AKAP4: variants seen among roughly 807,000 people sequenced by gnomAD.
AKAP4 encodes the protein A-kinase anchoring protein 4.
A neutral mutation model predicts 42.6 loss-of-function variants in AKAP4; 4 were observed. The ratio of observed to expected loss-of-function variants is 0.09; its 90% CI spans 0.05 to 0.22. AKAP4 has a LOEUF of 0.22. Among genes scored for constraint, AKAP4 ranks in the 10% least tolerant of loss-of-function variants. The pLI is 1.00. For missense variants in AKAP4, 551 were observed against 630.7 expected (o/e 0.87, Z 1.35); for synonymous variants, 223 against 233.0 (o/e 0.96, Z 0.39).
chrX:50,200,607 G>T (rs1557204759), intron 1 of AKAP4, among the ~76,000 whole-genome samples: 2 of 112,313 alleles, frequency 1.8e-5, no homozygotes, highest in African/African-American at 6.5e-5. Context: ...AGTCCATCAA[G>T]ATATCCCTTC....
intron 5 of AKAP4, among the ~76,000 whole-genome samples, chrX:50,192,079 C>T (rs1038501116): frequency 9.9e-5 from 11 of 110,918 alleles, no homozygotes; most frequent in Non-Finnish European, 2.1e-4. Context: ...GGATGAAATG[C>T]GTTAATCTCA....
intron 4 of AKAP4, among the ~76,000 whole-genome samples, chrX:50,196,587 C>A (rs1421963430): frequency 1.8e-5 from 2 of 111,292 alleles, no homozygotes; most frequent in Non-Finnish European, 3.8e-5. Context: ...CAATGTGGGG[C>A]ACACAAGTCC....
At chrX:50,198,829 C>T in intron 1 of AKAP4, 77 bp from the exon 2 acceptor site, 1 of 777,249 alleles carries the variant, frequency 1.3e-6, no homozygotes, top group Non-Finnish European at 1.9e-6. Context: ...ATAAGAATCT[C>T]TGGAGGGGTT....
At chrX:50,197,475 T>C in intron 3 of AKAP4, 69 bp downstream of exon 3, 1 of 1,000,405 alleles carries the variant, frequency 1.0e-6, no homozygotes, top group South Asian at 2.2e-5. Context: ...TTTTCCATTC[T>C]TCATACTTCA....
chrX:50,197,358 C>T (rs913234636), intron 3 of AKAP4, among the ~76,000 whole-genome samples, 186 bp downstream of exon 3: 2 of 110,960 alleles, frequency 1.8e-5, no homozygotes, highest in East Asian at 5.6e-4. Context: ...TAAAATGAGA[C>T]TTGATATCAA....
Position 50,197,601 on chromosome X carries a change from C to T in AKAP4, c.124-7G>A. 8.3e-7 allele frequency: 1 copy of T among 1,201,233 alleles called. No individual in the cohort carries two copies. Among genetic ancestry groups the T allele is most frequent in the East Asian group, 3.0e-5 (1 of 33,677 alleles). ...ACACATCGACAAAGCATATCTGCAT[C>T]AAATTAGAAGGGTGAATTTAGAAAA... is the stretch of plus-strand genomic sequence containing the variant. On this transcript the variant is annotated splice_region_variant and splice_polypyrimidine_tract_variant and intron_variant, in intron 2 of 5. Transcript: ENST00000358526.
At chrX:50,196,258 G>T in intron 4 of AKAP4, among the ~76,000 whole-genome samples, 1 of 111,388 alleles carries the variant, frequency 9.0e-6, no homozygotes, top group East Asian at 2.8e-4. Context: ...AGAAACATTT[G>T]ATTCCTCTGC....
Position 50,193,346 on chromosome X carries a change from T to C in AKAP4, c.1367A>G (p.His456Arg), listed in dbSNP as rs782149049. 27 of 1,211,793 alleles carry C rather than the reference T, an allele frequency of 2.2e-5. No homozygotes were observed. Among genetic ancestry groups the C allele is most frequent in the East Asian group, 5.9e-5 (2 of 33,857 alleles). Residue 456 changes from histidine to arginine, a missense_variant, in exon 5 of 6, where the codon CAT (histidine) becomes CGT (arginine). Physicochemically the swap from His to Arg is conservative, Grantham distance 29 (BLOSUM62 0). Coordinates refer to ENST00000358526, the MANE Select transcript of AKAP4 (RefSeq NM_003886.3). ...LSYASLKAGS[H>R]DPKCRNQSLE... Reference sequence around the variant, plus strand: ...ACTCTGATTCCTGCATTTGGGATCATGGGACCCAGCTTTTAAAGATGCATA... The same window carrying C: ...ACTCTGATTCCTGCATTTGGGATCACGGGACCCAGCTTTTAAAGATGCATA...
intron 1 of AKAP4, among the ~76,000 whole-genome samples, chrX:50,199,237 T>C: frequency 9.0e-6 from 1 of 111,215 alleles, no homozygotes; most frequent in East Asian, 2.8e-4. Context: ...GAAAGTGAAA[T>C]TAGATAAATA....
chrX:50,199,552 G>A, intron 1 of AKAP4, among the ~76,000 whole-genome samples: 1 of 110,776 alleles, frequency 9.0e-6, no homozygotes, highest in Non-Finnish European at 1.9e-5. Flanking sequence ...AAAGTAAAAA[G>A]GAAATGACAA....
At position 50,196,995 on chromosome X, in the gene AKAP4, A is replaced by G. The variant is rs374649887; in HGVS notation, c.175-3T>C. On this transcript the variant is annotated splice_region_variant and splice_polypyrimidine_tract_variant and intron_variant, in intron 3 of 5. Transcript: ENST00000358526. ...TCTGAGCTGGAACTAGCAGCATCCT[A>G]TGGAATTAAAGGGTGAGATTCTTAA... 2.6e-6 allele frequency: 3 copies of G among 1,175,091 alleles called. No homozygotes were observed. The African/African-American group carries it at 5.3e-5, about 21-fold the overall frequency.
At chrX:50,197,454 T>TC in intron 3 of AKAP4, 90 bp downstream of exon 3, 1 of 823,525 alleles carries the variant, frequency 1.2e-6, no homozygotes, top group Non-Finnish European at 1.7e-6. Context: ...TTCCCCTCTC[T>TC]CCCCCCAACA....
intron 5 of AKAP4, 31 bp downstream of exon 5, chrX:50,192,273 C>T: frequency 2.7e-6 from 3 of 1,132,030 alleles, no homozygotes; most frequent in South Asian, 4.3e-5. Flanking sequence ...CCCATTCCAA[C>T]TTTCTTCTTG....
At position 50,192,317 on chromosome X, in the gene AKAP4, C is replaced by T. The variant is rs1420507229; in HGVS notation, c.2396G>A (p.Gly799Glu). 8.4e-7 allele frequency: 1 copy of T among 1,192,907 alleles called. No homozygotes were observed. Among genetic ancestry groups the T allele is most frequent in the African/African-American group, 1.7e-5 (1 of 57,366 alleles). ...TGCATTACTTACCTTTTCCAGTTGT[C>T]CATCCTTATCTCCCATGAAGTAGAG... is the stretch of plus-strand genomic sequence containing the variant. Reference protein sequence around the residue: ...PMLYFMGDKDGQLEKLPQVSA... With the variant: ...PMLYFMGDKDEQLEKLPQVSA... Residue 799 changes from glycine to glutamate, a missense_variant, in exon 5 of 6, where the codon GGA (glycine) becomes GAA (glutamate). Gly to Glu is a moderately conservative substitution (Grantham distance 98). Coordinates refer to ENST00000358526, the MANE Select transcript of AKAP4 (RefSeq NM_003886.3).
At position 50,193,420 on chromosome X, in the gene AKAP4, G is replaced by T. The variant is rs782214760; in HGVS notation, c.1293C>A (p.Val431=). Reference sequence around the variant, plus strand: ...CCTTCTCCTCACCTATAAGGGCACTGACCAAGCGCTTCAGCATGGCCTCCA... The same window carrying T: ...CCTTCTCCTCACCTATAAGGGCACTTACCAAGCGCTTCAGCATGGCCTCCA... ...DIMEAMLKRL[V]SALIGEEKET... is the part of the protein sequence containing the mutation. The change falls in exon 5 of 6, where the codon GTC becomes GTA. Residue 431 remains valine (V), a synonymous_variant. Transcript: ENST00000358526. 24 of 1,210,175 alleles carry T rather than the reference G, an allele frequency of 2.0e-5. No homozygotes were observed. The East Asian group carries it at 6.2e-4, about 31-fold the overall frequency.
chrX:50,199,946 T>C (rs187875571), intron 1 of AKAP4, among the ~76,000 whole-genome samples: 2,832 of 94,548 alleles, frequency 0.03, 141 homozygotes, highest in African/African-American at 0.11. Flanking sequence ...TATTCTCTAA[T>C]GGCTATCCTT....
In AKAP4 at chrX:50,197,582, C is replaced by T; in HGVS notation, c.136G>A (p.Asp46Asn). Residue 46 changes from aspartate (D) to asparagine (N), a missense_variant, in exon 3 of 6, where the codon GAT (aspartate) becomes AAT (asparagine). Transcript: ENST00000358526. ...TCTTCTACATTCAGGGTGGACACAT[C>T]GACAAAGCATATCTGCATCAAATTA... ...DQDRKVICFV[D>N]VSTLNVEDKD... The T allele has an allele frequency of 2.5e-6, 3 of 1,202,575 alleles. No individual in the cohort carries two copies. The highest frequency in any genetic ancestry group is 3.4e-6 in the Non-Finnish European group (3 of 890,147).
At chrX:50,198,940 C>T (rs1270935679) in intron 1 of AKAP4, among the ~76,000 whole-genome samples, 188 bp from the exon 2 acceptor site, 1 of 111,042 alleles carries the variant, frequency 9.0e-6, no homozygotes, top group African/African-American at 3.3e-5. Context: ...TGCTTAGGAT[C>T]ATTATCTTTT....
In AKAP4 at chrX:50,194,455, C is replaced by T; in HGVS notation, c.277-19G>A. The T allele has an allele frequency of 8.7e-7, 1 of 1,153,449 alleles. No homozygotes were observed. The highest frequency in any genetic ancestry group is 1.8e-5 in the African/African-American group (1 of 55,749). ...CCTCTGTCTAAAAAAAGAAGAAGACCTATCCATAAGAGTTTGGGTAGGCTA... is the reference window on the plus strand; with the variant it reads ...CCTCTGTCTAAAAAAAGAAGAAGACTTATCCATAAGAGTTTGGGTAGGCTA... On this transcript the variant is annotated intron_variant, in intron 4 of 5. Transcript: ENST00000358526.
Sources: allele counts gnomAD v4.1 joint callset (sites outside exome capture counted in the v4.1 genomes callset), GRCh38; gene constraint gnomAD v4.1.1; transcripts MANE v1.5; gene names NCBI Gene and HGNC (gene_info 2026-07-23, HGNC 2026-07-21).